NOP9: variants seen among roughly 807,000 people sequenced by gnomAD.
NOP9 encodes NOP9 nucleolar protein, also known as nucleolar protein 9.
Under a neutral mutation model 63.0 loss-of-function variants are expected in NOP9, and 50 were observed. The observed-to-expected ratio is 0.79, with a 90% CI of 0.63 to 1.00. The LOEUF is 1.00. Ranked by LOEUF, NOP9 falls within the 50% of genes least tolerant of loss-of-function variation. The pLI is 0.00. For missense variants in NOP9, 758 were observed against 803.0 expected (o/e 0.94, Z 0.68); for synonymous variants, 343 against 332.8 (o/e 1.03, Z -0.33).
At chr14:24,280,491 C>T in the NOP9 span, among the ~76,000 whole-genome samples, 2 of 152,322 alleles carry the variant, frequency 1.3e-5, no homozygotes, top group Middle Eastern at 3.4e-3. Context: ...TGTGAACTAC[C>T]TACCCAAGGG....
chr14:24,301,751 G>T (rs762754507), intron 3 of NOP9, 29 bp downstream of exon 3: 2 of 1,609,078 alleles, frequency 1.2e-6, no homozygotes, highest in Non-Finnish European at 1.7e-6. Flanking sequence ...GGATGGTCTC[G>T]TATCTACTTG....
the NOP9 span, among the ~76,000 whole-genome samples, chr14:24,278,701 G>A: frequency 1.3e-5 from 2 of 152,222 alleles, no homozygotes. Flanking sequence ...AATTGACTGT[G>A]ATCTGCTTGC....
the NOP9 span, among the ~76,000 whole-genome samples, chr14:24,272,621 A>G: frequency 6.6e-6 from 1 of 152,214 alleles, no homozygotes; most frequent in Non-Finnish European, 1.5e-5. Flanking sequence ...TTGACGTCAT[A>G]TCTGTGCCTA....
In NOP9 at chr14:24,305,303, T is replaced by A; in HGVS notation, c.*208T>A. 1 of 573,826 alleles carries A rather than the reference T, an allele frequency of 1.7e-6. No homozygotes were observed. The highest frequency in any genetic ancestry group is 3.6e-5 in the South Asian group (1 of 27,824). The allele number at this position is 573,826 out of a possible 1,614,324, so 35.5% of individuals were successfully genotyped here. ...GGGCTGTCATCAGTATGCTGGGGAG[T>A]TTAGGGACAGGAGGCATTGGTAGGG... is the stretch of plus-strand genomic sequence containing the variant. On this transcript the variant is annotated 3_prime_UTR_variant, in exon 10 of 10. Coordinates refer to ENST00000267425, the MANE Select transcript of NOP9 (RefSeq NM_174913.3).
At chr14:24,300,981 G>A (rs1257886308) in intron 2 of NOP9, 124 bp downstream of exon 2, 3 of 779,116 alleles carry the variant, frequency 3.9e-6, no homozygotes, top group Non-Finnish European at 6.1e-6. Context: ...AGCTTGACCT[G>A]TCCTAATCTG....
chr14:24,280,303 T>C, the NOP9 span, among the ~76,000 whole-genome samples: 1 of 152,294 alleles, frequency 6.6e-6, no homozygotes, highest in South Asian at 2.1e-4. Context: ...GGAGCTGCCC[T>C]GTCTGAGAAT....
chr14:24,304,428 C>T, intron 8 of NOP9, 65 bp from the exon 9 acceptor site: 3 of 1,451,870 alleles, frequency 2.1e-6, no homozygotes, highest in Middle Eastern at 1.8e-4. Flanking sequence ...ATTCACTCTC[C>T]ACAAGCCTCC....
the NOP9 span, among the ~76,000 whole-genome samples, chr14:24,273,963 T>G: frequency 6.6e-6 from 1 of 152,216 alleles, no homozygotes; most frequent in Non-Finnish European, 1.5e-5. Flanking sequence ...AAAGAATCTA[T>G]GTAAAGTGCT....
chr14:24,289,389 G>A, the NOP9 span, among the ~76,000 whole-genome samples: 4 of 152,286 alleles, frequency 2.6e-5, no homozygotes, highest in African/African-American at 7.2e-5. Context: ...AACCTCCCAA[G>A]GACTGAGATT....
rs377676583 is a variant in NOP9, at chr14:24,303,869, G to A, written c.1410+12G>A. Reference sequence around the variant, plus strand: ...CTGCAGAGCACCAGGTGAGGTAGGGGAGAGGCCAAGCCAGTGACTAATTGG... The same window carrying A: ...CTGCAGAGCACCAGGTGAGGTAGGGAAGAGGCCAAGCCAGTGACTAATTGG... On this transcript the variant is annotated intron_variant, in intron 7 of 9. Transcript: ENST00000267425. 6.2e-7 allele frequency: 1 copy of A among 1,613,404 alleles called. No individual in the cohort carries two copies. Among genetic ancestry groups the A allele is most frequent in the Non-Finnish European group, 8.5e-7 (1 of 1,179,518 alleles).
chr14:24,304,245 A>T lies in NOP9; in HGVS notation c.1615A>T (p.Lys539Ter), dbSNP rs1469740612. 1.2e-6 allele frequency: 2 copies of T among 1,614,008 alleles called. No homozygotes were observed. The highest frequency in any genetic ancestry group is 2.2e-5 in the East Asian group (1 of 44,870). Reference sequence around the variant, plus strand: ...CCTGACCAGCCCCTCTGTGACGCGCAAGCTGCGCCGCCGTGTGCTGCAGAA... The same window carrying T: ...CCTGACCAGCCCCTCTGTGACGCGCTAGCTGCGCCGCCGTGTGCTGCAGAA... ...AILTSPSVTRKLRRRVLQNLK... is the reference protein window; with the variant it reads ...AILTSPSVTR The change falls in exon 8 of 10, where the codon AAG (lysine) becomes TAG (stop). Residue 539 changes from lysine to a stop codon, truncating the protein, a stop_gained. Transcript: ENST00000267425. LOFTEE classifies it high-confidence loss of function.
the NOP9 span, among the ~76,000 whole-genome samples, chr14:24,273,838 TACTTA>T: frequency 9.2e-5 from 14 of 152,354 alleles, no homozygotes; most frequent in African/African-American, 2.4e-4. Context: ...TGGGGCAAGT[TACTTA>T]ACTTCTGTAT....
Position 24,300,871 on chromosome 14 carries a change from G to A in NOP9, c.697+14G>A. 6.3e-7 allele frequency: 1 copy of A among 1,593,734 alleles called. No individual in the cohort carries two copies. The highest frequency in any genetic ancestry group is 1.3e-5 in the African/African-American group (1 of 74,336). On this transcript the variant is annotated intron_variant, in intron 2 of 9. Coordinates refer to ENST00000267425, the MANE Select transcript of NOP9 (RefSeq NM_174913.3). ...CCCAATCATCTGGTAAGTATTACAA[G>A]AGGAAAGTGGACCTAGGGGGAAGAA...
At chr14:24,288,511 G>A in the NOP9 span, among the ~76,000 whole-genome samples, 1 of 152,120 alleles carries the variant, frequency 6.6e-6, no homozygotes, top group Middle Eastern at 3.4e-3. Flanking sequence ...CACCATGCCT[G>A]GCTAGTTTTT....
the NOP9 span, among the ~76,000 whole-genome samples, chr14:24,278,676 T>TA: frequency 0.021 from 3,268 of 152,292 alleles, 79 homozygotes; most frequent in East Asian, 0.072. Context: ...CTCTGGCTGA[T>TA]AAGAGATTGG....
chr14:24,301,853 T>C (rs2041382838), intron 3 of NOP9, 112 bp from the exon 4 acceptor site: 19 of 1,446,334 alleles, frequency 1.3e-5, no homozygotes, highest in Non-Finnish European at 1.8e-5. Context: ...CAGAGCACTT[T>C]GTATAGTCCC....
rs2041386947 is a variant in NOP9 at position 24,302,025 on chromosome 14, G to A, written c.869G>A (p.Arg290His). 1.2e-6 allele frequency: 2 copies of A among 1,613,894 alleles called. No homozygotes were observed. The highest frequency in any genetic ancestry group is 1.7e-6 in the Non-Finnish European group (2 of 1,179,870). ...CAAGTGGCTTTACAGGTTTTACACC[G>A]CAAACTTCCCCAGTTTTGCGCTCAT... ...CLQVALQVLH[R>H]KLPQFCAHLC... Residue 290 changes from arginine (R) to histidine (H), a missense_variant, in exon 4 of 10, where the codon CGC becomes CAC. Transcript: ENST00000267425.
At chr14:24,300,306 T>A in intron 1 of NOP9, 102 bp from the exon 2 acceptor site, 1 of 1,558,464 alleles carries the variant, frequency 6.4e-7, no homozygotes, top group Non-Finnish European at 8.7e-7. Flanking sequence ...ATTTCCCATG[T>A]CCTCTTCCTC....
In NOP9 at chr14:24,306,486, A is replaced by C. The variant is rs957631698; in HGVS notation, c.*1391A>C. 12 of 1,614,116 alleles carry C rather than the reference A, an allele frequency of 7.4e-6. No homozygotes were observed. The Admixed American group carries it at 8.3e-5, about 11-fold the overall frequency. On this transcript the variant is annotated 3_prime_UTR_variant, in exon 10 of 10. Transcript: ENST00000267425. ...TGCAGTTCCATCCTCCTCTAGCACCAGGGTTAGCACTCCATTCAGCAGTAG... is the reference window on the plus strand; with the variant it reads ...TGCAGTTCCATCCTCCTCTAGCACCCGGGTTAGCACTCCATTCAGCAGTAG...
Sources: allele counts gnomAD v4.1 joint callset (sites outside exome capture counted in the v4.1 genomes callset), GRCh38; gene constraint gnomAD v4.1.1; transcripts MANE v1.5; gene names NCBI Gene and HGNC (gene_info 2026-07-23, HGNC 2026-07-21).